Variants in IREB2 observed in about 807,000 individuals in gnomAD.
The protein encoded by IREB2 is iron responsive element binding protein 2, also known as iron-responsive element-binding protein 2.
A neutral mutation model predicts 118.8 loss-of-function variants in IREB2; 39 were observed. The ratio of observed to expected loss-of-function variants is 0.33; its 90% confidence interval spans 0.25 to 0.43. The LOEUF is 0.43. Ranked by LOEUF, IREB2 falls within the 20% of genes least tolerant of loss-of-function variation. The pLI is 1.00. For missense variants in IREB2, 900 were observed against 1,147.3 expected (o/e 0.78, Z 3.11); for synonymous variants, 372 against 392.2 (o/e 0.95, Z 0.61).
rs140074258 is a variant in IREB2 at position 78,443,841 on chromosome 15, T to G, written c.106+3960T>G. 3.3e-3 allele frequency among the ~76,000 whole-genome samples: 500 copies of G among 152,122 alleles called. 3 individuals are homozygous for G. Among genetic ancestry groups the G allele is most frequent in the Middle Eastern group, 3.4e-3 (1 of 294 alleles). ...TTTTATTTTTAGTAGAGATGGAGTT[T>G]CGCCATATTAACAAGGCTGGTCTCA... On this transcript the variant is annotated intron_variant, in intron 2 of 21. Coordinates refer to ENST00000258886, the MANE Select transcript of IREB2 (RefSeq NM_004136.4).
chr15:78,470,343 C>T (rs912910759), intron 5 of IREB2, among the ~76,000 whole-genome samples, 189 bp from the exon 6 acceptor site: 1 of 152,056 alleles, frequency 6.6e-6, no homozygotes, highest in African/African-American at 2.4e-5. Flanking sequence ...TGTAGCTTTC[C>T]GGTGTGTTAT....
Position 78,488,215 on chromosome 15 carries a change from C to T in IREB2, c.1830C>T (p.Asn610=). Residue 610 remains asparagine (N), a synonymous_variant, in exon 15 of 22, where the codon AAC becomes AAT. Coordinates refer to ENST00000258886, the MANE Select transcript of IREB2 (RefSeq NM_004136.4). ...DLVTCGILSG[N]KNFEGRLCDC... ...TTACCTGTGGAATTTTATCTGGAAA[C>T]AAAAATTTTGAAGGTCGTCTTTGTG... 1 of 1,608,958 alleles carries T rather than the reference C, an allele frequency of 6.2e-7. No homozygotes were observed. The highest frequency in any genetic ancestry group is 8.5e-7 in the Non-Finnish European group (1 of 1,178,520).
chr15:78,495,776 A>G (rs1258541462), intron 20 of IREB2, among the ~76,000 whole-genome samples: 16 of 152,250 alleles, frequency 1.1e-4, no homozygotes. Context: ...TTTTGCACAT[A>G]AAGTACAGAT....
intron 2 of IREB2, among the ~76,000 whole-genome samples, chr15:78,459,052 A>G (rs530700678): frequency 8.5e-5 from 13 of 152,152 alleles, no homozygotes; most frequent in Middle Eastern, 3.4e-3. Flanking sequence ...CCCCCCTCCC[A>G]AAGTGCGGGG....
At chr15:78,495,052 G>C (rs2051817428) in intron 20 of IREB2, among the ~76,000 whole-genome samples, 1 of 152,154 alleles carries the variant, frequency 6.6e-6, no homozygotes, top group Non-Finnish European at 1.5e-5. Flanking sequence ...TTGTTGCAGA[G>C]CAAATAGGCC....
chr15:78,476,854 T>A (rs1276759508), intron 9 of IREB2, among the ~76,000 whole-genome samples: 1 of 152,244 alleles, frequency 6.6e-6, no homozygotes, highest in Non-Finnish European at 1.5e-5. Context: ...TTTTGGCCAC[T>A]CTTCCATTGG....
At chr15:78,497,440 C>CT in intron 21 of IREB2, 129 bp downstream of exon 21, 1 of 690,226 alleles carries the variant, frequency 1.4e-6, no homozygotes, top group Non-Finnish European at 2.5e-6. Flanking sequence ...TAAGATGACT[C>CT]TCTCTTCCAT....
chr15:78,470,512 C>A lies in IREB2; in HGVS notation c.630-20C>A. On this transcript the variant is annotated intron_variant, in intron 5 of 21. Transcript: ENST00000258886. ...TTTTTTGTAATACATACGTTTAATGCCAGCTCTTCTTCCTTTTAGACCTGA... is the reference window on the plus strand; with the variant it reads ...TTTTTTGTAATACATACGTTTAATGACAGCTCTTCTTCCTTTTAGACCTGA... The A allele has an allele frequency of 6.5e-7, 1 of 1,548,870 alleles. No individual in the cohort carries two copies.
At chr15:78,496,128 C>CT (rs2051833882) in intron 20 of IREB2, among the ~76,000 whole-genome samples, 1 of 152,216 alleles carries the variant, frequency 6.6e-6, no homozygotes, top group South Asian at 2.1e-4. Flanking sequence ...GTATCACTCT[C>CT]TAATTTCATT....
chr15:78,497,040 G>T, intron 20 of IREB2, 86 bp from the exon 21 acceptor site: 1 of 942,494 alleles, frequency 1.1e-6, no homozygotes. Context: ...TTAGAGAAAG[G>T]CCAAAGTAGA....
At chr15:78,474,896 A>C (rs1165409580) in intron 8 of IREB2, 1 of 151,572 alleles carries the variant, frequency 6.6e-6, no homozygotes, top group African/African-American at 2.4e-5. Context: ...TCTACTAAAA[A>C]TACAAAAAAT....
At chr15:78,470,640 T>C in intron 6 of IREB2, 39 bp downstream of exon 6, 1 of 971,582 alleles carries the variant, frequency 1.0e-6, no homozygotes, top group Non-Finnish European at 1.6e-6. Flanking sequence ...TTGTAATATA[T>C]AAACTAATGA....
rs1452431458 is a variant in IREB2 at position 78,499,705 on chromosome 15, A to T, written c.*1562A>T. 6.6e-6 allele frequency: 1 copy of T among 152,232 alleles called. No individual in the cohort carries two copies. The highest frequency in any genetic ancestry group is 2.4e-5 in the African/African-American group (1 of 41,460). 9.4% of individuals were successfully genotyped at this position (152,232 alleles called of 1,614,324 possible). ...TTTCAAATTATATTGTGTTCTTGAT[A>T]TATGCTGTATATTTATTTGTTAGTG... is the stretch of plus-strand genomic sequence containing the variant. On this transcript the variant is annotated 3_prime_UTR_variant, in exon 22 of 22. Transcript: ENST00000258886.
chr15:78,494,444 G>C (rs1036842630), intron 20 of IREB2, among the ~76,000 whole-genome samples, 180 bp downstream of exon 20: 1 of 152,108 alleles, frequency 6.6e-6, no homozygotes, highest in African/African-American at 2.4e-5. Flanking sequence ...TACTCATCTA[G>C]TTAGTATCAT....
chr15:78,470,779 C>T (rs922005254), intron 6 of IREB2, 178 bp downstream of exon 6: 2 of 388,646 alleles, frequency 5.1e-6, no homozygotes, highest in Non-Finnish European at 9.2e-6. Context: ...ACTGCAGCCT[C>T]CACCTCCTGG....
At chr15:78,460,542 G>A (rs1173982701) in intron 2 of IREB2, among the ~76,000 whole-genome samples, 1 of 152,058 alleles carries the variant, frequency 6.6e-6, no homozygotes, top group African/African-American at 2.4e-5. Context: ...TAACTTCTTT[G>A]GTTTCGGACA....
chr15:78,477,685 T>G (rs1248993267), intron 9 of IREB2, among the ~76,000 whole-genome samples: 2 of 152,070 alleles, frequency 1.3e-5, no homozygotes, highest in Admixed American at 6.6e-5. Flanking sequence ...TTCGGGAGGC[T>G]GAGGCGGGAG....
chr15:78,449,851 G>C (rs1037354629), intron 2 of IREB2, among the ~76,000 whole-genome samples: 1 of 152,030 alleles, frequency 6.6e-6, no homozygotes, highest in South Asian at 2.1e-4. Context: ...CTAAGTAACT[G>C]ATCAAAAGGA....
chr15:78,477,884 G>C (rs958032131), intron 9 of IREB2, among the ~76,000 whole-genome samples: 1 of 152,054 alleles, frequency 6.6e-6, no homozygotes, highest in African/African-American at 2.4e-5. Context: ...TGGCACCACT[G>C]TACTCCAGCC....
Sources: gnomAD v4.1 joint callset for allele counts (sites outside exome capture counted in the v4.1 genomes callset) on GRCh38, gnomAD v4.1.1 for gene constraint, MANE v1.5 for transcripts, NCBI Gene and HGNC (gene_info 2026-07-23, HGNC 2026-07-21) for gene names.